Variants in MIEF2 observed in about 807,000 individuals in gnomAD.
MIEF2 encodes the protein mitochondrial dynamics protein MID49.
MIEF2 carries 1 observed loss-of-function variant against 7.4 expected under a neutral mutation model. The observed-to-expected ratio is 0.14, with a 90% CI of 0.05 to 0.64. The LOEUF (loss-of-function observed/expected upper bound fraction) is 0.64. Among genes scored for constraint, MIEF2 ranks in the 30% least tolerant of loss-of-function variants. The pLI is 0.85. For synonymous variants in MIEF2, 275 were observed against 290.5 expected (o/e 0.95, Z 0.54); for missense variants, 569 against 623.9 (o/e 0.91, Z 0.94).
Position 18,264,789 on chromosome 17 carries a change from T to C in MIEF2, c.*25T>C, listed in dbSNP as rs764300673. On this transcript the variant is annotated 3_prime_UTR_variant, in exon 4 of 4. Coordinates refer to ENST00000323019, the MANE Select transcript of MIEF2 (RefSeq NM_139162.4). ...GGTGGGTGGAAACGGGTGGTTGCCATGTTTTCTAATGCTGGGGAGCTGCAC... is the reference window on the plus strand; with the variant it reads ...GGTGGGTGGAAACGGGTGGTTGCCACGTTTTCTAATGCTGGGGAGCTGCAC... 15 of 1,582,984 alleles carry C rather than the reference T, an allele frequency of 9.5e-6. No individual in the cohort carries two copies. In the Admixed American group the frequency reaches 2.1e-4, roughly 22 times the overall value.
intron 3 of MIEF2, 96 bp from the exon 4 acceptor site, chr17:18,263,614 G>C: frequency 7.0e-7 from 1 of 1,432,042 alleles, no homozygotes; most frequent in South Asian, 1.5e-5. Context: ...GGTGAGAAAA[G>C]TGAGGCCCTG....
In MIEF2 at chr17:18,264,827, CA is replaced by C; in HGVS notation, c.*64del. ...TGGGGAGCTGCACCCACCTCCCTTC[CA>C]GGGATTTGAATAGTGGTTTTTCTCT... On this transcript the variant is annotated 3_prime_UTR_variant, in exon 4 of 4. Coordinates refer to ENST00000323019, the MANE Select transcript of MIEF2 (RefSeq NM_139162.4). 2 of 1,544,334 alleles carry C rather than the reference CA, an allele frequency of 1.3e-6. No individual in the cohort carries two copies. Among genetic ancestry groups the C allele is most frequent in the African/African-American group, 1.4e-5 (1 of 72,984 alleles).
At position 18,264,421 on chromosome 17, in the gene MIEF2, G is replaced by A; in HGVS notation, c.1022G>A (p.Arg341Lys). The A allele has an allele frequency of 3.7e-6, 6 of 1,601,012 alleles. No homozygotes were observed. Among genetic ancestry groups the A allele is most frequent in the Non-Finnish European group, 5.1e-6 (6 of 1,179,848 alleles). ...LQDLYPVEAARLRALDDHDAG... is the reference protein window; with the variant it reads ...LQDLYPVEAAKLRALDDHDAG... Reference sequence around the variant, plus strand: ...GACCTGTATCCAGTGGAGGCTGCTAGGCTGCGAGCCCTGGACGACCATGAC... The same window carrying A: ...GACCTGTATCCAGTGGAGGCTGCTAAGCTGCGAGCCCTGGACGACCATGAC... The change falls in exon 4 of 4, where the codon AGG (arginine) becomes AAG (lysine). Residue 341 changes from arginine to lysine, a missense_variant. By Grantham distance (26) the Arg-to-Lys change is conservative. Transcript: ENST00000323019.
Position 18,264,289 on chromosome 17 carries a change from T to C in MIEF2, c.890T>C (p.Leu297Pro). ...CTGCTCGAGGTGCAGCACGAACGCC[T>C]GGAGCTCACTGTGGCTGTGCTTGTG... Reference protein sequence around the residue: ...ELLLEVQHERLELTVAVLVAV... With the variant: ...ELLLEVQHERPELTVAVLVAV... Residue 297 changes from leucine (L) to proline (P), a missense_variant, in exon 4 of 4, where the codon CTG becomes CCG. By Grantham distance (98) the Leu-to-Pro change is moderately conservative. Coordinates refer to ENST00000323019, the MANE Select transcript of MIEF2 (RefSeq NM_139162.4). 1 of 1,607,236 alleles carries C rather than the reference T, an allele frequency of 6.2e-7. No homozygotes were observed. Among genetic ancestry groups the C allele is most frequent in the South Asian group, 1.1e-5 (1 of 91,080 alleles).
At chr17:18,261,220 G>T (rs1978397455) in intron 1 of MIEF2, 1 of 1,536,296 alleles carries the variant, frequency 6.5e-7, no homozygotes, top group African/African-American at 1.4e-5. Context: ...CTCTCTGGGG[G>T]CGGGTGGCAG....
At chr17:18,261,426 C>T (rs967834317) in intron 1 of MIEF2, among the ~76,000 whole-genome samples, 4 of 152,348 alleles carry the variant, frequency 2.6e-5, no homozygotes, top group African/African-American at 9.6e-5. Context: ...AACTGGGCCC[C>T]TGGCACCCAC....
chr17:18,260,968 G>C, intron 1 of MIEF2: 1 of 753,692 alleles, frequency 1.3e-6, no homozygotes. Flanking sequence ...GCTGCTGCGC[G>C]GCCTGCTCCG....
intron 1 of MIEF2, 28 bp downstream of exon 1, chr17:18,260,765 C>G: frequency 3.6e-6 from 1 of 281,012 alleles, no homozygotes; most frequent in South Asian, 4.5e-5. Flanking sequence ...CGGGGCGGCC[C>G]CCAGGGTCAC....
chr17:18,261,471 G>A (rs954280330), intron 1 of MIEF2, among the ~76,000 whole-genome samples: 1 of 152,208 alleles, frequency 6.6e-6, no homozygotes, highest in African/African-American at 2.4e-5. Context: ...CTTGGTGCCC[G>A]GGCAGGCTGT....
At position 18,264,071 on chromosome 17, in the gene MIEF2, C is replaced by A; in HGVS notation, c.672C>A (p.Ala224=). The A allele has an allele frequency of 6.4e-7, 1 of 1,553,258 alleles. No homozygotes were observed. Among genetic ancestry groups the A allele is most frequent in the African/African-American group, 1.4e-5 (1 of 73,964 alleles). The change falls in exon 4 of 4, where the codon GCC becomes GCA. Residue 224 remains alanine, a synonymous_variant. Transcript: ENST00000323019. ...TGGCGAGGGACCCTCGCTGCTGGGC[C>A]GTGCGCAGGACGCAGCTTGAGTTCT... ...DTVARDPRCW[A]VRRTQLEFCP...
At chr17:18,263,000 A>G in intron 2 of MIEF2, 86 bp from the exon 3 acceptor site, 1 of 1,562,466 alleles carries the variant, frequency 6.4e-7, no homozygotes, top group Non-Finnish European at 8.7e-7. Flanking sequence ...CTGCTTCTCC[A>G]CCCAGCACGC....
In MIEF2 at chr17:18,264,302, G is replaced by A; in HGVS notation, c.903G>A (p.Val301=). ...AGCACGAACGCCTGGAGCTCACTGT[G>A]GCTGTGCTTGTGGCAGTCCCTGGGG... is the stretch of plus-strand genomic sequence containing the variant. ...EVQHERLELT[V]AVLVAVPGVD... is the part of the protein sequence containing the mutation. Residue 301 remains valine (V), a synonymous_variant, in exon 4 of 4, where the codon GTG becomes GTA. Coordinates refer to ENST00000323019, the MANE Select transcript of MIEF2 (RefSeq NM_139162.4). 6.2e-7 allele frequency: 1 copy of A among 1,607,630 alleles called. No individual in the cohort carries two copies. Among genetic ancestry groups the A allele is most frequent in the South Asian group, 1.1e-5 (1 of 91,086 alleles).
rs749766915 is a variant in MIEF2, at chr17:18,263,472, C to T, written c.310+224C>T. The T allele has an allele frequency of 6.0e-6, 5 of 837,962 alleles. No homozygotes were observed. In the Admixed American group the frequency reaches 6.1e-5, roughly 10 times the overall value. The allele number at this position is 837,962 out of a possible 1,614,324, so 51.9% of individuals were successfully genotyped here. On this transcript the variant is annotated intron_variant, in intron 3 of 3. Transcript: ENST00000323019. The stretch of plus-strand genomic sequence containing the variant: ...ATGGGGAAACTGAGGTCCAGAGGGG[C>T]GTGACATACCTACCTACTCTGCATG...
At position 18,264,462 on chromosome 17, in the gene MIEF2, C is replaced by T. The variant is rs747130200; in HGVS notation, c.1063C>T (p.Arg355Trp). ...LDDHDAGTRR[R>W]LLLLLCAVCR... Reference sequence around the variant, plus strand: ...CGACCATGACGCTGGGACTCGCCGGCGGCTGCTGCTGCTGCTGTGTGCTGT... The same window carrying T: ...CGACCATGACGCTGGGACTCGCCGGTGGCTGCTGCTGCTGCTGTGTGCTGT... The change falls in exon 4 of 4, where the codon CGG (arginine) becomes TGG (tryptophan). Residue 355 changes from arginine (R) to tryptophan (W), a missense_variant. Arg to Trp is a moderately radical substitution (Grantham distance 101, BLOSUM62 -3). Transcript: ENST00000323019. The T allele has an allele frequency of 1.2e-6, 2 of 1,603,374 alleles. No individual in the cohort carries two copies. The highest frequency in any genetic ancestry group is 1.1e-5 in the South Asian group (1 of 91,074).
Position 18,264,732 on chromosome 17 carries a change from A to G in MIEF2, c.1333A>G (p.Ser445Gly). Reference sequence around the variant, plus strand: ...TGACGACATTGGCTATGCGCTATACAGTGGCCTACAGGAGCCCGAGGGGCT... The same window carrying G: ...TGACGACATTGGCTATGCGCTATACGGTGGCCTACAGGAGCCCGAGGGGCT... ...EIDDIGYALY[S>G]GLQEPEGLL The change falls in exon 4 of 4, where the codon AGT (serine) becomes GGT (glycine). Residue 445 changes from serine (S) to glycine (G), a missense_variant. Transcript: ENST00000323019. The G allele has an allele frequency of 1.9e-6, 3 of 1,611,166 alleles. No homozygotes were observed. The highest frequency in any genetic ancestry group is 1.7e-6 in the Non-Finnish European group (2 of 1,178,842).
In MIEF2 at chr17:18,265,495, T is replaced by C. The variant is rs1978698508; in HGVS notation, c.*731T>C. ...CCAGCCCACAGCTGGGGCATCTCAC[T>C]GGAGCTGTTCCAGGCCCCACTGGAG... On this transcript the variant is annotated 3_prime_UTR_variant, in exon 4 of 4. Transcript: ENST00000323019. 1 of 152,314 alleles carries C rather than the reference T, an allele frequency of 6.6e-6. No individual in the cohort carries two copies. The highest frequency in any genetic ancestry group is 2.4e-5 in the African/African-American group (1 of 41,466). The allele number at this position is 152,314 out of a possible 1,614,324, so 9.4% of individuals were successfully genotyped here.
intron 1 of MIEF2, among the ~76,000 whole-genome samples, chr17:18,262,010 T>G (rs951502706): frequency 2.6e-5 from 4 of 152,190 alleles, no homozygotes; most frequent in African/African-American, 7.2e-5. Context: ...CTGTCAAGAT[T>G]TGGGGGTAAC....
rs375944870 is a variant in MIEF2 at position 18,261,212 on chromosome 17, C to T, written c.-8+475C>T. The stretch of plus-strand genomic sequence containing the variant: ...AGTTTGCAAAGTAGATTCCTGGTCT[C>T]TCTGGGGGCGGGTGGCAGTATTGAT... On this transcript the variant is annotated intron_variant, in intron 1 of 3. Transcript: ENST00000323019. 2.1e-4 allele frequency: 323 copies of T among 1,545,036 alleles called. 1 individual carries two copies. The highest frequency in any genetic ancestry group is 2.6e-4 in the Non-Finnish European group (300 of 1,141,072).
chr17:18,264,225 G>T lies in MIEF2; in HGVS notation c.826G>T (p.Gly276Trp). The change falls in exon 4 of 4, where the codon GGG (glycine) becomes TGG (tryptophan). Residue 276 changes from glycine (G) to tryptophan (W), a missense_variant. Physicochemically the swap from Gly to Trp is radical, Grantham distance 184 (BLOSUM62 -2). Transcript: ENST00000323019. ...CTGGCCGGCCATTGGCAGCCTTCTC[G>T]GGTGCCTGATCCGGCCCAGCATGGC... is the stretch of plus-strand genomic sequence containing the variant. ...VNWPAIGSLL[G>W]CLIRPSMASE... 2 of 1,602,886 alleles carry T rather than the reference G, an allele frequency of 1.2e-6. No homozygotes were observed. Among genetic ancestry groups the T allele is most frequent in the Non-Finnish European group, 1.7e-6 (2 of 1,179,532 alleles).
Sources: gnomAD v4.1 joint callset for allele counts (sites outside exome capture counted in the v4.1 genomes callset) on GRCh38, gnomAD v4.1.1 for gene constraint, MANE v1.5 for transcripts, NCBI Gene and HGNC (gene_info 2026-07-23, HGNC 2026-07-21) for gene names.